The following ALB variants were observed in gnomAD, a reference collection of about 807,000 sequenced individuals.
ALB encodes serum albumin.
ALB carries 37 observed loss-of-function variants against 74.5 expected under a neutral mutation model. The ratio of observed to expected loss-of-function variants is 0.50; its 90% CI spans 0.38 to 0.65. The LOEUF is 0.65. Ranked by LOEUF, ALB falls within the 30% of genes least tolerant of loss-of-function variation. ALB has a pLI of 0.00. For missense variants in ALB, 685 were observed against 718.7 expected, an observed-to-expected ratio of 0.95 and a Z score of 0.54; for synonymous variants, 249 against 251.6, an observed-to-expected ratio of 0.99 and a Z score of 0.10.
chr4:73,404,826 G>A (rs1051862588), intron 1 of ALB: 2 of 384,396 alleles, frequency 5.2e-6, no homozygotes, highest in African/African-American at 4.2e-5. Context: ...TGTCTTCTTG[G>A]TTGCTGTTGA....
chr4:73,413,674 GAC>G (rs1297331417), intron 8 of ALB, 40 bp downstream of exon 8: 1 of 1,592,918 alleles, frequency 6.3e-7, no homozygotes, highest in East Asian at 2.2e-5. Context: ...GCTTTGGCAT[GAC>G]CTCACAACTT....
At chr4:73,405,042 A>C in intron 1 of ALB, 74 bp from the exon 2 acceptor site, 2 of 1,411,554 alleles carry the variant, frequency 1.4e-6, no homozygotes, top group Middle Eastern at 1.8e-4. Context: ...AATGGAAAGA[A>C]ATATAAAAAG....
In ALB at chr4:73,412,305, A is replaced by G. The variant is rs1278581556; in HGVS notation, c.843+180A>G. The G allele has an allele frequency of 9.6e-6, 7 of 729,636 alleles. No homozygotes were observed. In the Admixed American group the frequency reaches 1.0e-4, roughly 11 times the overall value. 45.2% of individuals were successfully genotyped at this position (729,636 alleles called of 1,614,324 possible). A position where few individuals can be genotyped will look rare whatever the true frequency, so the allele number is the denominator to read the frequency against. On this transcript the variant is annotated intron_variant, in intron 7 of 14. Coordinates refer to ENST00000295897, the MANE Select transcript of ALB (RefSeq NM_000477.7). The stretch of plus-strand genomic sequence containing the variant: ...GTACCTTTCTGTTTTTAACCTGGCT[A>G]TAAATTACCAGATAAACCCATTCAC...
Position 73,416,321 on chromosome 4 carries a change from T to C in ALB, c.1257T>C (p.Phe419=). The stretch of plus-strand genomic sequence containing the variant: ...TAATCAAACAAAATTGTGAGCTTTT[T>C]GAGCAGCTTGGAGAGTACAAATTCC... ...QNLIKQNCEL[F]EQLGEYKFQN... Residue 419 remains phenylalanine, a synonymous_variant, in exon 10 of 15, where the codon TTT becomes TTC. Transcript: ENST00000295897. 6.2e-7 allele frequency: 1 copy of C among 1,613,730 alleles called. No individual in the cohort carries two copies. Among genetic ancestry groups the C allele is most frequent in the Non-Finnish European group, 8.5e-7 (1 of 1,179,760 alleles).
chr4:73,413,985 GTCTA>G (rs546951500), intron 8 of ALB, among the ~76,000 whole-genome samples: 98 of 152,154 alleles, frequency 6.4e-4, no homozygotes, highest in Admixed American at 3.0e-3. Context: ...TGTATTGCCT[GTCTA>G]TCTAACTAAT....
chr4:73,417,715 A>G, intron 11 of ALB, 46 bp downstream of exon 11: 2 of 1,450,466 alleles, frequency 1.4e-6, no homozygotes, highest in Non-Finnish European at 1.9e-6. Flanking sequence ...AAAAAATTTT[A>G]CCTTTAGATA....
intron 9 of ALB, 96 bp from the exon 10 acceptor site, chr4:73,416,159 GA>G: frequency 1.2e-6 from 1 of 861,886 alleles, no homozygotes. Flanking sequence ...CTTTGAGTAG[GA>G]AGAAGAAAGG....
chr4:73,406,893 C>T (rs1009214817), intron 3 of ALB, 132 bp downstream of exon 3: 4 of 1,015,960 alleles, frequency 3.9e-6, no homozygotes, highest in African/African-American at 1.6e-5. Flanking sequence ...AAAAGTTGCT[C>T]ATAGACTGAT....
At chr4:73,408,248 C>T (rs1301098873) in intron 3 of ALB, among the ~76,000 whole-genome samples, 1 of 152,126 alleles carries the variant, frequency 6.6e-6, no homozygotes, top group Non-Finnish European at 1.5e-5. Context: ...GTGAATTCAC[C>T]TGCTGCTTAG....
Position 73,420,240 on chromosome 4 carries a change from G to T in ALB, c.1786-14G>T, listed in dbSNP as rs1164859065. The T allele has an allele frequency of 1.2e-6, 2 of 1,610,462 alleles. No individual in the cohort carries two copies. Among genetic ancestry groups the T allele is most frequent in the African/African-American group, 2.7e-5 (2 of 74,810 alleles). On this transcript the variant is annotated splice_polypyrimidine_tract_variant and intron_variant, in intron 13 of 14. Transcript: ENST00000295897. ...CTAATATTTTCCTAACATCTGTCAT[G>T]TCTTTGTGTTCAGGGTAAAAAACTT...
chr4:73,420,515 A>G (rs986210041), intron 14 of ALB, among the ~76,000 whole-genome samples, 194 bp downstream of exon 14: 6 of 152,194 alleles, frequency 3.9e-5, no homozygotes, highest in African/African-American at 1.4e-4. Context: ...TATTTTGTAG[A>G]TGAGAAAATG....
chr4:73,405,017 G>A (rs1200149516), intron 1 of ALB, 99 bp from the exon 2 acceptor site: 2 of 1,159,936 alleles, frequency 1.7e-6, no homozygotes, highest in African/African-American at 1.5e-5. Context: ...TGAAACAAAT[G>A]CATAATCTAA....
intron 3 of ALB, 125 bp downstream of exon 3, chr4:73,406,886 A>C: frequency 8.9e-7 from 1 of 1,121,690 alleles, no homozygotes; most frequent in East Asian, 2.6e-5. Flanking sequence ...AACACTAAAA[A>C]GTTGCTCATA....
At chr4:73,416,725 A>G (rs1389956368) in intron 10 of ALB, among the ~76,000 whole-genome samples, 1 of 152,216 alleles carries the variant, frequency 6.6e-6, no homozygotes. Flanking sequence ...CTCAAAAAGT[A>G]ATATGTAAGC....
intron 2 of ALB, 137 bp downstream of exon 2, chr4:73,405,310 A>G (rs1478888911): frequency 2.7e-6 from 2 of 736,360 alleles, no homozygotes; most frequent in African/African-American, 3.5e-5. Flanking sequence ...GCGTTGAGGA[A>G]GATATTCTGT....
intron 14 of ALB, 50 bp from the exon 15 acceptor site, chr4:73,421,042 A>C (rs761092276): frequency 1.5e-6 from 1 of 668,420 alleles, no homozygotes; most frequent in African/African-American, 1.8e-5. Flanking sequence ...GGTTTGAAAA[A>C]CACATGCCAT....
chr4:73,413,091 AG>A (rs1718921204), intron 7 of ALB, among the ~76,000 whole-genome samples: 3 of 152,186 alleles, frequency 2.0e-5, no homozygotes, highest in Non-Finnish European at 4.4e-5. Flanking sequence ...TGGTTTCAAA[AG>A]GCCTGCACTT....
At chr4:73,418,496 T>C (rs576860148) in intron 12 of ALB, among the ~76,000 whole-genome samples, 185 bp downstream of exon 12, 1 of 152,298 alleles carries the variant, frequency 6.6e-6, no homozygotes, top group African/African-American at 2.4e-5. Context: ...CAAAATCCTC[T>C]GTTATAATAT....
intron 7 of ALB, 99 bp downstream of exon 7, chr4:73,412,224 T>A: frequency 7.0e-7 from 1 of 1,433,214 alleles, no homozygotes. Context: ...TGGGTTGAGA[T>A]TGTCTTCTGT....
Sources: allele counts gnomAD v4.1 joint callset (sites outside exome capture counted in the v4.1 genomes callset), GRCh38; gene constraint gnomAD v4.1.1; transcripts MANE v1.5; gene names NCBI Gene and HGNC (gene_info 2026-07-23, HGNC 2026-07-21).